The following SENP8 variants were observed in gnomAD, a reference collection of about 807,000 sequenced individuals.
SENP8 encodes the protein SUMO peptidase family member, NEDD8 specific, also known as sentrin-specific protease 8.
A neutral mutation model predicts 14.4 loss-of-function variants in SENP8; 10 were observed. The observed-to-expected ratio is 0.69, with a 90% CI of 0.43 to 1.18. The LOEUF (loss-of-function observed/expected upper bound fraction) is 1.18. Ranked by LOEUF, SENP8 falls within the 50% of genes most tolerant of loss-of-function variation. The pLI is 0.00. For synonymous variants in SENP8, 94 were observed against 95.5 expected, an observed-to-expected ratio of 0.98 and a Z score of 0.09; for missense variants, 202 against 249.4, an observed-to-expected ratio of 0.81 and a Z score of 1.28.
chr15:72,128,361 C>T (rs1173016871), intron 1 of SENP8, among the ~76,000 whole-genome samples: 2 of 152,182 alleles, frequency 1.3e-5, no homozygotes, highest in Admixed American at 6.5e-5. Flanking sequence ...AGCTTGTGCT[C>T]ATTCCTTTAT....
upstream of SENP8, among the ~76,000 whole-genome samples, chr15:72,115,731 A>G (rs991994193): frequency 2.0e-5 from 3 of 152,226 alleles, no homozygotes; most frequent in African/African-American, 7.2e-5. Context: ...CATCACAGCT[A>G]GTCACACTGT....
intron 1 of SENP8, among the ~76,000 whole-genome samples, chr15:72,129,164 C>T (rs1183339913): frequency 6.6e-6 from 1 of 152,124 alleles, no homozygotes. Flanking sequence ...AATACTTATA[C>T]ATCTATAAAA....
At chr15:72,122,592 G>A (rs1007372707) in intron 1 of SENP8, among the ~76,000 whole-genome samples, 108 of 152,246 alleles carry the variant, frequency 7.1e-4, no homozygotes, top group African/African-American at 2.2e-3. Context: ...TCTCAGAGAG[G>A]CCACCATTAC....
upstream of SENP8, among the ~76,000 whole-genome samples, chr15:72,116,606 T>C (rs1309386094): frequency 2.6e-5 from 4 of 152,176 alleles, no homozygotes; most frequent in Non-Finnish European, 5.9e-5. Context: ...CTTATTTTTC[T>C]AGCAAATCCA....
At chr15:72,130,062 C>T (rs896853163) in intron 1 of SENP8, among the ~76,000 whole-genome samples, 1 of 152,026 alleles carries the variant, frequency 6.6e-6, no homozygotes, top group Non-Finnish European at 1.5e-5. Flanking sequence ...TTGTGGTAGG[C>T]ACCTCTAATC....
chr15:72,120,016 C>A (rs1195547990), intron 1 of SENP8, among the ~76,000 whole-genome samples: 1 of 152,176 alleles, frequency 6.6e-6, no homozygotes, highest in Admixed American at 6.5e-5. Flanking sequence ...CCACTTCTGT[C>A]CCCAAAATGA....
At position 72,140,379 on chromosome 15, in the gene SENP8, CTT is replaced by C. The variant is rs1458313320; in HGVS notation, c.*121_*122del. ...GCCTAGTAGAGGAAAGCTTAATACTCTTTTTCCTGAAAGAATATCATCCTCTG... is the reference window on the plus strand; with the variant it reads ...GCCTAGTAGAGGAAAGCTTAATACTCTTTCCTGAAAGAATATCATCCTCTG... On this transcript the variant is annotated 3_prime_UTR_variant, in exon 2 of 2. Coordinates refer to ENST00000340912, the MANE Select transcript of SENP8 (RefSeq NM_145204.4). 12 of 712,984 alleles carry C rather than the reference CTT, an allele frequency of 1.7e-5. No individual in the cohort carries two copies. The African/African-American group carries it at 2.0e-4, about 12-fold the overall frequency. 44.2% of individuals were successfully genotyped at this position (712,984 alleles called of 1,614,324 possible).
At chr15:72,116,865 A>G (rs1193102516), upstream of SENP8, 1 of 152,158 alleles carries the variant, frequency 6.6e-6, no homozygotes, top group African/African-American at 2.4e-5. Flanking sequence ...TGGCACACAC[A>G]CAACTGGCCT....
upstream of SENP8, chr15:72,117,993 G>C: frequency 2.5e-6 from 1 of 398,944 alleles, no homozygotes. Flanking sequence ...TACTGCCTCC[G>C]CCGCCGCCTC....
chr15:72,128,478 CTGAA>C (rs1317724452), intron 1 of SENP8, among the ~76,000 whole-genome samples: 1 of 152,186 alleles, frequency 6.6e-6, no homozygotes, highest in African/African-American at 2.4e-5. Flanking sequence ...ACAGAGGAGA[CTGAA>C]TGAAACAGAA....
intron 1 of SENP8, among the ~76,000 whole-genome samples, chr15:72,123,051 A>G (rs2081182612): frequency 6.6e-6 from 1 of 152,188 alleles, no homozygotes; most frequent in South Asian, 2.1e-4. Flanking sequence ...TTGAACCTCT[A>G]CTATGTGCCA....
At chr15:72,132,509 A>G (rs2081283253) in intron 1 of SENP8, among the ~76,000 whole-genome samples, 1 of 152,108 alleles carries the variant, frequency 6.6e-6, no homozygotes, top group Non-Finnish European at 1.5e-5. Flanking sequence ...TGCTCACTAC[A>G]TAGAAAATAT....
chr15:72,119,811 A>G (rs546902813), intron 1 of SENP8, among the ~76,000 whole-genome samples: 1 of 152,324 alleles, frequency 6.6e-6, no homozygotes, highest in East Asian at 1.9e-4. Flanking sequence ...GGAATGAGAA[A>G]CTTGAGCGGC....
In SENP8 at chr15:72,142,226, C is replaced by G. The variant is rs2081385431; in HGVS notation, c.*1964C>G. ...AAAATGCATTTTCCAAATGCATTAG[C>G]CTGATTGGACTGTGCCACAGATTAG... is the stretch of plus-strand genomic sequence containing the variant. On this transcript the variant is annotated 3_prime_UTR_variant, in exon 2 of 2. Transcript: ENST00000340912. 1 of 152,046 alleles carries G rather than the reference C, an allele frequency of 6.6e-6. No homozygotes were observed. The highest frequency in any genetic ancestry group is 2.1e-4 in the South Asian group (1 of 4,826). The allele number at this position is 152,046 out of a possible 1,614,324, so 9.4% of individuals were successfully genotyped here.
intron 1 of SENP8, among the ~76,000 whole-genome samples, chr15:72,135,729 T>A (rs1232441183): frequency 2.6e-5 from 4 of 152,244 alleles, no homozygotes; most frequent in African/African-American, 9.6e-5. Context: ...CTTGGTATTT[T>A]AAAAATCAAA....
chr15:72,130,557 A>ATTTTTT (rs11411490), intron 1 of SENP8, among the ~76,000 whole-genome samples: 38 of 106,126 alleles, frequency 3.6e-4, no homozygotes, highest in East Asian at 2.8e-3. Flanking sequence ...ATGTTTTAGG[A>ATTTTTT]TTTTTTTTTT....
At chr15:72,114,788 T>C (rs373885466), upstream of SENP8, among the ~76,000 whole-genome samples, 3 of 152,342 alleles carry the variant, frequency 2.0e-5, no homozygotes, top group Admixed American at 2.0e-4. Flanking sequence ...TAAGTCAATA[T>C]TGTGGTTTTT....
chr15:72,114,913 A>G (rs2080913944), upstream of SENP8, among the ~76,000 whole-genome samples: 1 of 152,230 alleles, frequency 6.6e-6, no homozygotes. Context: ...CAAACCTCCT[A>G]CATTTCTCTG....
chr15:72,117,921 C>T (rs1365350843), upstream of SENP8: 7 of 399,024 alleles, frequency 1.8e-5, no homozygotes, highest in Non-Finnish European at 3.1e-5. Flanking sequence ...GCACCCCGCC[C>T]AGAGAGCACG....
Sources: gnomAD v4.1 joint callset for allele counts (sites outside exome capture counted in the v4.1 genomes callset) on GRCh38, gnomAD v4.1.1 for gene constraint, MANE v1.5 for transcripts, NCBI Gene and HGNC (gene_info 2026-07-23, HGNC 2026-07-21) for gene names.